PTPN9: variants seen among roughly 807,000 people sequenced by gnomAD.
PTPN9 encodes protein tyrosine phosphatase non-receptor type 9.
In PTPN9, 26 loss-of-function variants were observed where a neutral mutation model predicts 69.8. The ratio of observed to expected loss-of-function variants is 0.37; its 90% CI spans 0.27 to 0.52. The LOEUF (loss-of-function observed/expected upper bound fraction) is 0.52. PTPN9 is among the 20% of genes least tolerant of loss of function. The pLI, the probability that PTPN9 is intolerant of heterozygous loss-of-function variation, is 0.91. For synonymous variants in PTPN9, 274 were observed against 272.5 expected, an observed-to-expected ratio of 1.01 and a Z score of -0.05; for missense variants, 549 against 740.3, an observed-to-expected ratio of 0.74 and a Z score of 3.00.
chr15:75,476,025 G>A (rs2074594163), intron 9 of PTPN9, among the ~76,000 whole-genome samples: 1 of 152,078 alleles, frequency 6.6e-6, no homozygotes, highest in African/African-American at 2.4e-5. Flanking sequence ...TGTAGTCCCA[G>A]CTACTCAGGA....
rs117168480 is a variant in PTPN9 at position 75,502,101 on chromosome 15, A to G, written c.968+3574T>C. Among the ~76,000 whole-genome samples, 46 of 152,160 alleles carry G rather than the reference A, an allele frequency of 3.0e-4. No homozygotes were observed. In the East Asian group the frequency reaches 8.7e-3, roughly 29 times the overall value. On this transcript the variant is annotated intron_variant, in intron 7 of 12. Transcript: ENST00000618819. The stretch of plus-strand genomic sequence containing the variant: ...TAACCTAGGAATTTGAGGAAAAGAA[A>G]AGGATAAAAGAAAAGAAAAGGAGAA...
intron 4 of PTPN9, among the ~76,000 whole-genome samples, chr15:75,522,831 C>A (rs537196535): frequency 2.1e-4 from 32 of 152,280 alleles, no homozygotes; most frequent in African/African-American, 7.7e-4. Context: ...TCATCTCCCC[C>A]TCATTCTTTT....
rs2074534420 is a variant in PTPN9, at chr15:75,465,804, G to A, written c.*2965C>T. ...TCATGCATAACCTTAAATTCACAGG[G>A]CAGTCGGGTTACAGCCTCTTCAAAT... On this transcript the variant is annotated 3_prime_UTR_variant, in exon 13 of 13. Transcript: ENST00000618819. 1 of 152,132 alleles carries A rather than the reference G, an allele frequency of 6.6e-6. No homozygotes were observed. Among genetic ancestry groups the A allele is most frequent in the African/African-American group, 2.4e-5 (1 of 41,404 alleles). 9.4% of individuals were successfully genotyped at this position (152,132 alleles called of 1,614,324 possible).
intron 1 of PTPN9, among the ~76,000 whole-genome samples, chr15:75,552,124 C>T (rs913642193): frequency 3.9e-5 from 6 of 151,972 alleles, no homozygotes; most frequent in Admixed American, 2.6e-4. Context: ...CACTGCCGGG[C>T]ACGGCGGCTC....
chr15:75,553,499 G>C (rs1376666195), intron 1 of PTPN9, among the ~76,000 whole-genome samples: 1 of 152,104 alleles, frequency 6.6e-6, no homozygotes, highest in Non-Finnish European at 1.5e-5. Flanking sequence ...ACAGTAACTT[G>C]CCTCTTCTTC....
chr15:75,548,896 G>A (rs535635505), intron 1 of PTPN9, among the ~76,000 whole-genome samples: 8 of 151,700 alleles, frequency 5.3e-5, no homozygotes, highest in Non-Finnish European at 8.8e-5. Flanking sequence ...CTTGTGATCC[G>A]CCCGCCTCAG....
At chr15:75,547,881 T>C (rs894808475) in intron 1 of PTPN9, among the ~76,000 whole-genome samples, 3 of 152,016 alleles carry the variant, frequency 2.0e-5, no homozygotes, top group African/African-American at 4.8e-5. Flanking sequence ...AGCCAGGCTA[T>C]TGTCGAACTC....
intron 4 of PTPN9, among the ~76,000 whole-genome samples, chr15:75,518,740 C>G (rs1056832838): frequency 6.6e-5 from 10 of 151,260 alleles, no homozygotes; most frequent in African/African-American, 2.4e-4. Flanking sequence ...TTGCCTGAGC[C>G]CAAGAGGCAG....
At chr15:75,482,382 G>A (rs539610556) in intron 8 of PTPN9, among the ~76,000 whole-genome samples, 52 of 152,162 alleles carry the variant, frequency 3.4e-4, no homozygotes, top group African/African-American at 1.2e-3. Context: ...TGGCTAACAC[G>A]GTGAAACCCC....
chr15:75,541,344 A>C (rs1348192175), intron 1 of PTPN9, among the ~76,000 whole-genome samples: 2 of 151,512 alleles, frequency 1.3e-5, no homozygotes, highest in African/African-American at 4.8e-5. Context: ...TAGCCTACTG[A>C]AGCGCTGGGA....
intron 1 of PTPN9, among the ~76,000 whole-genome samples, chr15:75,553,463 T>C (rs1329538907): frequency 6.6e-6 from 1 of 152,212 alleles, no homozygotes; most frequent in African/African-American, 2.4e-5. Context: ...CCAGGACAGA[T>C]GAGAAAAGTT....
intron 5 of PTPN9, among the ~76,000 whole-genome samples, chr15:75,510,877 T>C (rs996942604): frequency 9.2e-5 from 14 of 152,156 alleles, no homozygotes; most frequent in African/African-American, 3.1e-4. Flanking sequence ...CCCTATTCCC[T>C]TCTCCCCCTA....
chr15:75,575,992 G>C (rs2075171082), intron 1 of PTPN9, among the ~76,000 whole-genome samples: 1 of 150,804 alleles, frequency 6.6e-6, no homozygotes, highest in African/African-American at 2.4e-5. Flanking sequence ...CCAGCATTTT[G>C]GGAGGCCAAG....
rs1416106413 is a variant in PTPN9, at chr15:75,464,739, G to A, written c.*4030C>T. 1 of 152,190 alleles carries A rather than the reference G, an allele frequency of 6.6e-6. No homozygotes were observed. Among genetic ancestry groups the A allele is most frequent in the Admixed American group, 6.6e-5 (1 of 15,262 alleles). 9.4% of individuals were successfully genotyped at this position (152,190 alleles called of 1,614,324 possible). ...TGTGTCTGTCTGTCCCAAGAGACAG[G>A]AAGCATTCCTTTCAGGGAAGGAACC... On this transcript the variant is annotated 3_prime_UTR_variant, in exon 13 of 13. Transcript: ENST00000618819.
At chr15:75,497,885 T>C (rs1421643757) in intron 7 of PTPN9, among the ~76,000 whole-genome samples, 1 of 151,638 alleles carries the variant, frequency 6.6e-6, no homozygotes, top group Non-Finnish European at 1.5e-5. Context: ...AACATAGTTG[T>C]CTGTAAAATC....
chr15:75,471,029 T>A, intron 10 of PTPN9, 199 bp from the exon 11 acceptor site: 1 of 624,974 alleles, frequency 1.6e-6, no homozygotes, highest in Non-Finnish European at 2.7e-6. Context: ...AGTTTCTGCA[T>A]GTACTCATAT....
intron 1 of PTPN9, among the ~76,000 whole-genome samples, chr15:75,548,173 T>C (rs931114661): frequency 6.6e-5 from 10 of 152,228 alleles, no homozygotes; most frequent in South Asian, 4.1e-4. Flanking sequence ...TTTCTGACTC[T>C]AGAGAATCCA....
At chr15:75,507,411 A>C (rs1279741262) in intron 6 of PTPN9, among the ~76,000 whole-genome samples, 2 of 143,190 alleles carry the variant, frequency 1.4e-5, no homozygotes, top group East Asian at 4.1e-4. Context: ...ATGCCATTGC[A>C]CTCTAGCCTC....
Position 75,523,285 on chromosome 15 carries a change from A to T in PTPN9, c.298-40T>A, listed in dbSNP as rs1412237831. The stretch of plus-strand genomic sequence containing the variant: ...ACAAGAAACATTAAAAAAATCAAAT[A>T]GAAAATCACAGCAATTACTAAGACT... On this transcript the variant is annotated intron_variant, in intron 3 of 12. Coordinates refer to ENST00000618819, the MANE Select transcript of PTPN9 (RefSeq NM_002833.4). 1.1e-5 allele frequency: 18 copies of T among 1,597,744 alleles called. No homozygotes were observed. In the Admixed American group the frequency reaches 3.1e-4, roughly 28 times the overall value.
Sources: allele counts gnomAD v4.1 joint callset (sites outside exome capture counted in the v4.1 genomes callset), GRCh38; gene constraint gnomAD v4.1.1; transcripts MANE v1.5; gene names NCBI Gene and HGNC (gene_info 2026-07-23, HGNC 2026-07-21).